CSMD2: variants seen among roughly 807,000 people sequenced by gnomAD.
The protein encoded by CSMD2 is CUB and Sushi multiple domains 2, also known as CUB and sushi domain-containing protein 2.
A neutral mutation model predicts 398.5 loss-of-function variants in CSMD2; 130 were observed. That is an observed-to-expected ratio of 0.33 (90% CI 0.28 to 0.38). CSMD2 has a LOEUF of 0.38. CSMD2 is among the 10% of genes least tolerant of loss of function. CSMD2 has a pLI of 1.00. For synonymous variants in CSMD2, 1,828 were observed against 1,908.5 expected, an observed-to-expected ratio of 0.96 and a Z score of 1.10; for missense variants, 3,829 against 4,764.9, an observed-to-expected ratio of 0.80 and a Z score of 5.78.
At chr1:33,716,260 C>T (rs757935696) in intron 20 of CSMD2, 26 bp downstream of exon 20, 3 of 1,572,360 alleles carry the variant, frequency 1.9e-6, no homozygotes, top group Non-Finnish European at 2.6e-6. Flanking sequence ...TGGTCTCTTC[C>T]CCTCAGGGAC....
intron 2 of CSMD2, among the ~76,000 whole-genome samples, chr1:34,053,327 G>A (rs538173142): frequency 3.6e-4 from 55 of 152,288 alleles, no homozygotes; most frequent in East Asian, 5.8e-4. Context: ...ACAGTTTGCC[G>A]TGTAGCCTGT....
chr1:33,908,460 C>T (rs1643252917), intron 5 of CSMD2, among the ~76,000 whole-genome samples: 1 of 152,254 alleles, frequency 6.6e-6, no homozygotes, highest in African/African-American at 2.4e-5. Flanking sequence ...TTCTCTGGTG[C>T]CCTTCACAGT....
intron 2 of CSMD2, among the ~76,000 whole-genome samples, chr1:34,080,145 A>T (rs1656900939): frequency 6.7e-6 from 1 of 150,136 alleles, no homozygotes; most frequent in South Asian, 2.1e-4. Flanking sequence ...AAAAAAAAGG[A>T]GAGAATAGGG....
intron 20 of CSMD2, among the ~76,000 whole-genome samples, chr1:33,715,705 C>A (rs1037183394): frequency 3.3e-5 from 5 of 152,252 alleles, no homozygotes; most frequent in Middle Eastern, 3.4e-3. Context: ...GAGGGAGGTA[C>A]TCTGGGGTGC....
chr1:34,069,661 T>C (rs1056139247), intron 2 of CSMD2, among the ~76,000 whole-genome samples: 6 of 152,192 alleles, frequency 3.9e-5, no homozygotes, highest in African/African-American at 1.4e-4. Flanking sequence ...CTAGAAATTT[T>C]AGAAGGCCAT....
chr1:34,027,037 A>G (rs1649739387), intron 3 of CSMD2, among the ~76,000 whole-genome samples: 1 of 152,240 alleles, frequency 6.6e-6, no homozygotes, highest in African/African-American at 2.4e-5. Flanking sequence ...CTCTCCAAGC[A>G]TGGCACCAAA....
At chr1:33,780,872 G>A (rs1486386256) in intron 12 of CSMD2, among the ~76,000 whole-genome samples, 5 of 152,210 alleles carry the variant, frequency 3.3e-5, no homozygotes, top group African/African-American at 9.7e-5. Context: ...GAATGTTTGG[G>A]CCTTCCAGTT....
At chr1:33,773,105 C>T (rs893847322) in intron 12 of CSMD2, among the ~76,000 whole-genome samples, 1 of 152,168 alleles carries the variant, frequency 6.6e-6, no homozygotes, top group Non-Finnish European at 1.5e-5. Context: ...TCACAGGTTA[C>T]CTGTCCCAGG....
chr1:33,672,608 A>C (rs954912469), intron 25 of CSMD2, among the ~76,000 whole-genome samples: 1 of 152,224 alleles, frequency 6.6e-6, no homozygotes, highest in East Asian at 1.9e-4. Context: ...AGCTATGAAG[A>C]GAGTAGTGGT....
intron 3 of CSMD2, among the ~76,000 whole-genome samples, chr1:33,972,016 C>T (rs767295142): frequency 7.2e-5 from 11 of 152,220 alleles, no homozygotes; most frequent in Middle Eastern, 3.4e-3. Flanking sequence ...AGGACTGCTG[C>T]GTAGGAGGTG....
intron 41 of CSMD2, chr1:33,605,955 A>G: frequency 1.2e-6 from 2 of 1,613,736 alleles, no homozygotes; most frequent in Non-Finnish European, 8.5e-7. Flanking sequence ...AAAACCTCTC[A>G]GGAAGGAAGA....
chr1:33,747,936 A>G (rs537973606), intron 13 of CSMD2, among the ~76,000 whole-genome samples: 2 of 152,238 alleles, frequency 1.3e-5, no homozygotes, highest in Non-Finnish European at 2.9e-5. Flanking sequence ...ACAACAAAAA[A>G]GGAATTTTAA....
chr1:34,076,140 T>C (rs567971748), intron 2 of CSMD2, among the ~76,000 whole-genome samples: 5 of 152,202 alleles, frequency 3.3e-5, no homozygotes, highest in Non-Finnish European at 7.3e-5. Context: ...ATGAATAGCA[T>C]CTGCATATAG....
At chr1:33,924,741 G>C (rs752777378) in intron 4 of CSMD2, among the ~76,000 whole-genome samples, 1 of 151,902 alleles carries the variant, frequency 6.6e-6, no homozygotes, top group African/African-American at 2.4e-5. Context: ...TTCTAACTAG[G>C]GTAAAATGAT....
At chr1:33,951,872 C>G (rs1645018206) in intron 3 of CSMD2, among the ~76,000 whole-genome samples, 1 of 152,228 alleles carries the variant, frequency 6.6e-6, no homozygotes. Flanking sequence ...CCTTTGTGCC[C>G]TTTCACGCCC....
chr1:34,143,324 T>C (rs1639476120), intron 1 of CSMD2, among the ~76,000 whole-genome samples: 1 of 152,074 alleles, frequency 6.6e-6, no homozygotes, highest in South Asian at 2.1e-4. Flanking sequence ...TGCGATTGAC[T>C]CTTCTCAGTC....
chr1:33,793,184 T>A (rs938703248), intron 10 of CSMD2, among the ~76,000 whole-genome samples: 4 of 152,106 alleles, frequency 2.6e-5, no homozygotes, highest in Non-Finnish European at 5.9e-5. Context: ...GTGGGATGGA[T>A]GCTACAGGGG....
chr1:33,648,924 G>T (rs1174942557), intron 28 of CSMD2, among the ~76,000 whole-genome samples: 8 of 152,174 alleles, frequency 5.3e-5, no homozygotes, highest in Non-Finnish European at 1.2e-4. Context: ...CATTGACATG[G>T]TTAAATTACC....
At chr1:33,650,928 T>G (rs1263757404) in intron 28 of CSMD2, among the ~76,000 whole-genome samples, 1 of 152,254 alleles carries the variant, frequency 6.6e-6, no homozygotes, top group Non-Finnish European at 1.5e-5. Flanking sequence ...AGTTGAATCA[T>G]ACATTATGTA....
Sources: gnomAD v4.1 joint callset for allele counts (sites outside exome capture counted in the v4.1 genomes callset) on GRCh38, gnomAD v4.1.1 for gene constraint, MANE v1.5 for transcripts, NCBI Gene and HGNC (gene_info 2026-07-23, HGNC 2026-07-21) for gene names.